The following SYNE1 variants were observed in gnomAD, a reference collection of about 807,000 sequenced individuals.
SYNE1 encodes the protein spectrin repeat containing nuclear envelope protein 1, also known as nesprin-1.
Under a neutral mutation model 1,111.0 loss-of-function variants are expected in SYNE1, and 616 were observed. That is an observed-to-expected ratio of 0.55 (90% CI 0.52 to 0.59). The LOEUF (loss-of-function observed/expected upper bound fraction) is 0.59, where lower values mean the gene tolerates loss of function less well. Among genes scored for constraint, SYNE1 ranks in the 20% least tolerant of loss-of-function variants. The pLI is 0.00. For synonymous variants in SYNE1, 3,855 were observed against 3,825.8 expected (o/e 1.01, Z -0.28); for missense variants, 10,006 against 10,417.0 (o/e 0.96, Z 1.72).
chr6:152,352,408 C>CTTT (rs11370219), intron 69 of SYNE1, 55 bp from the exon 70 acceptor site: 164 of 1,302,596 alleles, frequency 1.3e-4, no homozygotes, highest in African/African-American at 1.8e-4. Context: ...TCTTTTCTTT[C>CTTT]TTTTTTTTTT....
chr6:152,282,040 C>A, intron 96 of SYNE1, 60 bp from the exon 97 acceptor site: 1 of 1,552,288 alleles, frequency 6.4e-7, no homozygotes, highest in Non-Finnish European at 8.8e-7. Context: ...GAGAATTTAA[C>A]ACAGTAAAGC....
intron 3 of SYNE1, among the ~76,000 whole-genome samples, chr6:152,611,893 G>T (rs866301858): frequency 2.0e-5 from 3 of 151,988 alleles, no homozygotes; most frequent in Admixed American, 6.6e-5. Flanking sequence ...GCTCCTGAAT[G>T]ACTGCTGGGT....
At chr6:152,628,000 C>A (rs1199271119) in intron 3 of SYNE1, among the ~76,000 whole-genome samples, 4 of 97,272 alleles carry the variant, frequency 4.1e-5, no homozygotes, top group Admixed American at 1.4e-4. Context: ...CCCAACTGGA[C>A]AATGAATAAC....
intron 91 of SYNE1, among the ~76,000 whole-genome samples, chr6:152,302,825 TGAGCAGACAA>T (rs1273478951): frequency 6.6e-6 from 1 of 152,156 alleles, no homozygotes; most frequent in Non-Finnish European, 1.5e-5. Context: ...TTTTTGTTTT[TGAGCAGACAA>T]GAATGAAAAA....
intron 3 of SYNE1, among the ~76,000 whole-genome samples, chr6:152,579,250 A>G (rs2099511225): frequency 6.6e-6 from 1 of 152,202 alleles, no homozygotes; most frequent in African/African-American, 2.4e-5. Flanking sequence ...CAAGTAGGAT[A>G]TGTAAGAAGT....
At chr6:152,362,718 G>A (rs866512629) in intron 63 of SYNE1, among the ~76,000 whole-genome samples, 1 of 152,144 alleles carries the variant, frequency 6.6e-6, no homozygotes, top group Non-Finnish European at 1.5e-5. Context: ...AGGACATTGA[G>A]AGCAGGAGAG....
At chr6:152,367,035 G>A (rs556456322) in intron 62 of SYNE1, 183 bp downstream of exon 62, 24 of 757,194 alleles carry the variant, frequency 3.2e-5, no homozygotes, top group Admixed American at 5.9e-5. Context: ...GAAAACATCC[G>A]GGGTCAGATG....
chr6:152,514,132 A>G (rs2099099615), intron 6 of SYNE1, among the ~76,000 whole-genome samples: 1 of 152,222 alleles, frequency 6.6e-6, no homozygotes, highest in African/African-American at 2.4e-5. Flanking sequence ...TACTGGGTAT[A>G]TACCCAAAGG....
At chr6:152,482,785 A>G (rs1384359332) in intron 14 of SYNE1, among the ~76,000 whole-genome samples, 2 of 152,224 alleles carry the variant, frequency 1.3e-5, no homozygotes, top group Non-Finnish European at 2.9e-5. Flanking sequence ...GTAAATGCAT[A>G]CCATCTATGC....
chr6:152,546,626 A>G (rs1446856154), intron 3 of SYNE1: 1 of 152,188 alleles, frequency 6.6e-6, no homozygotes, highest in Non-Finnish European at 1.5e-5. Flanking sequence ...CCTCAAGAAT[A>G]AGAAATAAAA....
chr6:152,316,885 A>G lies in SYNE1; in HGVS notation c.16674T>C (p.Ser5558=). The change falls in exon 87 of 146, where the codon TCT becomes TCC. Residue 5558 remains serine, a synonymous_variant. Transcript: ENST00000367255. ...VLAHGTIAWN[S]ASQLREQYIL... Reference sequence around the variant, plus strand: ...TATATTGTTCCCGAAGCTGGCTTGCAGAATTCCATGCAATAGTTCCATGAG... The same window carrying G: ...TATATTGTTCCCGAAGCTGGCTTGCGGAATTCCATGCAATAGTTCCATGAG... 4 of 1,614,176 alleles carry G rather than the reference A, an allele frequency of 2.5e-6. No homozygotes were observed. The highest frequency in any genetic ancestry group is 2.2e-5 in the South Asian group (2 of 91,084).
intron 3 of SYNE1, among the ~76,000 whole-genome samples, chr6:152,618,343 C>T (rs2099666884): frequency 6.6e-6 from 1 of 152,114 alleles, no homozygotes; most frequent in African/African-American, 2.4e-5. Context: ...TAACTTATAA[C>T]AACAACAACA....
chr6:152,230,745 TA>T (rs1446741080), intron 114 of SYNE1, 43 bp from the exon 115 acceptor site: 1 of 1,595,298 alleles, frequency 6.3e-7, no homozygotes, highest in African/African-American at 1.3e-5. Context: ...TTTATTTTAA[TA>T]AAATCAAATC....
rs1342821810 is a variant in SYNE1, at chr6:152,336,983, G to A, written c.12386C>T (p.Thr4129Ile). The change falls in exon 76 of 146, where the codon ACT becomes ATT. Residue 4129 changes from threonine to isoleucine, a missense_variant. Thr to Ile is a moderately conservative substitution (Grantham distance 89). Transcript: ENST00000367255. ...GTGCTTGATCTCTTCCCAGCCCTGA[G>A]TTAAGTTCTGGGCCTGGACAAGCTT... is the stretch of plus-strand genomic sequence containing the variant. ...EQKLVQAQNLTQGWEEIKHLK... is the reference protein window; with the variant it reads ...EQKLVQAQNLIQGWEEIKHLK... 1 of 1,613,986 alleles carries A rather than the reference G, an allele frequency of 6.2e-7. No individual in the cohort carries two copies. The highest frequency in any genetic ancestry group is 1.1e-5 in the South Asian group (1 of 91,084).
chr6:152,349,747 C>T (rs1412365207), intron 72 of SYNE1, among the ~76,000 whole-genome samples: 1 of 152,162 alleles, frequency 6.6e-6, no homozygotes, highest in African/African-American at 2.4e-5. Flanking sequence ...TAGAAGGGAC[C>T]TGGTAGGAGA....
Position 152,456,098 on chromosome 6 carries a change from GAA to G in SYNE1, c.2569-56_2569-55del, listed in dbSNP as rs1779966665. On this transcript the variant is annotated intron_variant, in intron 22 of 145. Coordinates refer to ENST00000367255, the MANE Select transcript of SYNE1 (RefSeq NM_182961.4). ...GTTATTTACAAGACAGAGTGAGAGA[GAA>G]AGAAAGAGAGTGACCATTACAGATA... 4 of 1,572,388 alleles carry G rather than the reference GAA, an allele frequency of 2.5e-6. No individual in the cohort carries two copies. The Admixed American group carries it at 5.1e-5, about 20-fold the overall frequency.
intron 145 of SYNE1, chr6:152,125,541 C>G: frequency 1.4e-6 from 1 of 707,686 alleles, no homozygotes; most frequent in Non-Finnish European, 2.1e-6. Context: ...TAGCTACCCA[C>G]AAACTTTGGA....
rs1028983368 is a variant in SYNE1 at position 152,254,813 on chromosome 6, A to C, written c.19470+67T>G. On this transcript the variant is annotated intron_variant, in intron 104 of 145. Transcript: ENST00000367255. ...AACAACAACCAGGTCTGTAACACAG[A>C]CTCGTGACTGACTATTACTGAATAC... 4.7e-5 allele frequency: 66 copies of C among 1,409,222 alleles called. No homozygotes were observed. The African/African-American group carries it at 8.1e-4, about 17-fold the overall frequency. 87.3% of individuals were successfully genotyped at this position (1,409,222 alleles called of 1,614,324 possible).
intron 61 of SYNE1, chr6:152,367,765 T>TAA: frequency 9.1e-6 from 2 of 220,518 alleles, no homozygotes; most frequent in East Asian, 1.1e-4. Context: ...GCCAGAGTTC[T>TAA]AAAAAAAAAA....
Sources: gnomAD v4.1 joint callset for allele counts (sites outside exome capture counted in the v4.1 genomes callset) on GRCh38, gnomAD v4.1.1 for gene constraint, MANE v1.5 for transcripts, NCBI Gene and HGNC (gene_info 2026-07-23, HGNC 2026-07-21) for gene names.